The following CDK8 variants were observed in gnomAD, a reference collection of about 807,000 sequenced individuals.
CDK8 encodes the protein cyclin-dependent kinase 8.
Under a neutral mutation model 71.5 loss-of-function variants are expected in CDK8, and 29 were observed. The ratio of observed to expected loss-of-function variants is 0.41; its 90% CI spans 0.30 to 0.55. The LOEUF is 0.55. Among genes scored for constraint, CDK8 ranks in the 20% least tolerant of loss-of-function variants. The pLI is 0.37. For synonymous variants in CDK8, 161 were observed against 192.1 expected (o/e 0.84, Z 1.34); for missense variants, 288 against 572.6 (o/e 0.50, Z 5.07).
At chr13:26,321,449 AGATG>A (rs142623560) in intron 1 of CDK8, among the ~76,000 whole-genome samples, 5,378 of 152,130 alleles carry the variant, frequency 0.035, 306 homozygotes, top group African/African-American at 0.12. Context: ...AGTGTTCTGG[AGATG>A]GATGGTGGTG....
intron 1 of CDK8, among the ~76,000 whole-genome samples, chr13:26,334,161 G>A (rs1419536125): frequency 6.6e-6 from 1 of 152,090 alleles, no homozygotes; most frequent in Non-Finnish European, 1.5e-5. Flanking sequence ...TTGAATATTA[G>A]AATTTTTTTA....
At chr13:26,302,558 CT>C (rs2137918253) in intron 1 of CDK8, among the ~76,000 whole-genome samples, 1 of 152,252 alleles carries the variant, frequency 6.6e-6, no homozygotes, top group East Asian at 1.9e-4. Context: ...CCTGTAGCTG[CT>C]TTTTTGCAGC....
chr13:26,352,296 A>T (rs1873713449), intron 3 of CDK8, among the ~76,000 whole-genome samples: 1 of 152,050 alleles, frequency 6.6e-6, no homozygotes, highest in African/African-American at 2.4e-5. Context: ...ACTCACTGCA[A>T]GCTCCGCCTT....
intron 1 of CDK8, among the ~76,000 whole-genome samples, chr13:26,255,290 CAT>C (rs1871472345): frequency 6.6e-6 from 1 of 152,068 alleles, no homozygotes; most frequent in Admixed American, 6.5e-5. Flanking sequence ...GAGAGTTCCC[CAT>C]AGTGATCATC....
intron 3 of CDK8, among the ~76,000 whole-genome samples, chr13:26,353,297 A>G (rs1235795390): frequency 6.6e-6 from 1 of 151,904 alleles, no homozygotes; most frequent in Non-Finnish European, 1.5e-5. Flanking sequence ...TGTGTATTTT[A>G]TTGAAGCATC....
intron 12 of CDK8, 91 bp from the exon 13 acceptor site, chr13:26,403,865 C>T (rs1876380594): frequency 6.7e-6 from 10 of 1,485,556 alleles, no homozygotes; most frequent in Non-Finnish European, 9.2e-6. Flanking sequence ...ATCCTTTCTT[C>T]CTTGAAACAT....
At chr13:26,362,557 A>G (rs1450103054) in intron 4 of CDK8, among the ~76,000 whole-genome samples, 1 of 152,198 alleles carries the variant, frequency 6.6e-6, no homozygotes, top group South Asian at 2.1e-4. Flanking sequence ...TCCCAGCTCC[A>G]GAGGAAAGAG....
intron 1 of CDK8, among the ~76,000 whole-genome samples, chr13:26,292,280 T>G (rs1424419448): frequency 6.6e-6 from 1 of 152,212 alleles, no homozygotes; most frequent in Admixed American, 6.5e-5. Flanking sequence ...GCCTCACTAC[T>G]CAGAGTGCGA....
At chr13:26,381,007 G>C (rs1318312980) in intron 4 of CDK8, among the ~76,000 whole-genome samples, 1 of 152,174 alleles carries the variant, frequency 6.6e-6, no homozygotes, top group African/African-American at 2.4e-5. Flanking sequence ...AAGCAAGAGA[G>C]TAACATAATC....
chr13:26,348,064 A>G (rs1314512888), intron 2 of CDK8, among the ~76,000 whole-genome samples: 1 of 152,002 alleles, frequency 6.6e-6, no homozygotes, highest in African/African-American at 2.4e-5. Flanking sequence ...GGATAAACAA[A>G]ATGTGATATC....
intron 1 of CDK8, among the ~76,000 whole-genome samples, chr13:26,308,576 C>A (rs1383445940): frequency 1.3e-5 from 2 of 152,188 alleles, no homozygotes; most frequent in Non-Finnish European, 2.9e-5. Context: ...AAGTTTTGGT[C>A]CCTGTTAGTA....
intron 6 of CDK8, among the ~76,000 whole-genome samples, chr13:26,390,585 A>T (rs1875701140): frequency 1.3e-5 from 2 of 152,250 alleles, no homozygotes; most frequent in Non-Finnish European, 2.9e-5. Context: ...TCTCTAATTC[A>T]GTGCCACTAA....
chr13:26,290,667 G>A lies in CDK8; in HGVS notation c.128+35898G>A, dbSNP rs574259312. On this transcript the variant is annotated intron_variant, in intron 1 of 12. Transcript: ENST00000381527. Reference sequence around the variant, plus strand: ...GCTTTCTTTTCACTGATTAGTTGACGTTGAAGTGAGTTGAGATACTTCATC... The same window carrying A: ...GCTTTCTTTTCACTGATTAGTTGACATTGAAGTGAGTTGAGATACTTCATC... Among the ~76,000 whole-genome samples, 6 of 152,156 alleles carry A rather than the reference G, an allele frequency of 3.9e-5. No homozygotes were observed. In the South Asian group the frequency reaches 6.2e-4, roughly 16 times the overall value.
At chr13:26,255,883 A>C (rs1321518498) in intron 1 of CDK8, among the ~76,000 whole-genome samples, 1 of 152,204 alleles carries the variant, frequency 6.6e-6, no homozygotes, top group Non-Finnish European at 1.5e-5. Context: ...CGAAAAAAAA[A>C]TTCATAAAGC....
intron 1 of CDK8, among the ~76,000 whole-genome samples, chr13:26,292,170 T>C (rs1467750622): frequency 6.6e-6 from 1 of 152,218 alleles, no homozygotes; most frequent in African/African-American, 2.4e-5. Flanking sequence ...AAAGTGTGTG[T>C]ATGTGTATAT....
intron 6 of CDK8, among the ~76,000 whole-genome samples, chr13:26,385,600 GGTGGT>G (rs1383091290): frequency 6.6e-6 from 1 of 152,116 alleles, no homozygotes; most frequent in Non-Finnish European, 1.5e-5. Flanking sequence ...AGCCGGGCAT[GGTGGT>G]GTGCACCTGT....
intron 4 of CDK8, among the ~76,000 whole-genome samples, chr13:26,355,649 A>G (rs1183425577): frequency 3.3e-5 from 5 of 152,126 alleles, no homozygotes; most frequent in Non-Finnish European, 5.9e-5. Context: ...AGATTTACAT[A>G]ACAGAAATAA....
chr13:26,396,978 G>A (rs1876024936), intron 8 of CDK8, among the ~76,000 whole-genome samples, 175 bp from the exon 9 acceptor site: 1 of 152,002 alleles, frequency 6.6e-6, no homozygotes, highest in African/African-American at 2.4e-5. Context: ...AGTGACCATT[G>A]TGGATATTGA....
chr13:26,378,261 G>A (rs1456143903), intron 4 of CDK8, among the ~76,000 whole-genome samples: 1 of 152,112 alleles, frequency 6.6e-6, no homozygotes, highest in African/African-American at 2.4e-5. Flanking sequence ...TTCCATCAGA[G>A]TTGGCTCCTA....
Sources: allele counts gnomAD v4.1 joint callset (sites outside exome capture counted in the v4.1 genomes callset), GRCh38; gene constraint gnomAD v4.1.1; transcripts MANE v1.5; gene names NCBI Gene and HGNC (gene_info 2026-07-23, HGNC 2026-07-21).